BRINP1: variants seen among roughly 807,000 people sequenced by gnomAD.
The protein encoded by BRINP1 is BMP/retinoic acid inducible neural specific 1.
In BRINP1, 17 loss-of-function variants were observed where a neutral mutation model predicts 72.9. That is an observed-to-expected ratio of 0.23 (90% CI 0.16 to 0.35). The LOEUF (loss-of-function observed/expected upper bound fraction) is 0.35. Ranked by LOEUF, BRINP1 falls within the 10% of genes least tolerant of loss-of-function variation. The pLI, the probability that BRINP1 is intolerant of heterozygous loss-of-function variation, is 1.00. For synonymous variants in BRINP1, 418 were observed against 378.5 expected, an observed-to-expected ratio of 1.10 and a Z score of -1.21; for missense variants, 850 against 1,001.6, an observed-to-expected ratio of 0.85 and a Z score of 2.04.
Position 119,313,172 on chromosome 9 carries a change from G to A in BRINP1, c.184C>T (p.Arg62Cys), listed in dbSNP as rs781329685. 14 of 1,613,922 alleles carry A rather than the reference G, an allele frequency of 8.7e-6. No individual in the cohort carries two copies. The highest frequency in any genetic ancestry group is 8.3e-5 in the Admixed American group (5 of 59,984). The part of the protein sequence containing the change: ...RSYLSFVERH[R>C]QGFTTRYKIY... ...TTATATCTGGTTGTAAATCCTTGAC[G>A]GTGTCTTTCCACAAAGGATAGGTAG... Residue 62 changes from arginine to cysteine, a missense_variant, in exon 2 of 8, where the codon CGT (arginine) becomes TGT (cysteine). Transcript: ENST00000265922.
chr9:119,211,075 T>A (rs567253917), intron 6 of BRINP1, among the ~76,000 whole-genome samples: 1 of 152,300 alleles, frequency 6.6e-6, no homozygotes, highest in Non-Finnish European at 1.5e-5. Flanking sequence ...TGCAGAGGGC[T>A]CCGTGGATGT....
intron 7 of BRINP1, among the ~76,000 whole-genome samples, chr9:119,173,242 C>T (rs535222384): frequency 3.7e-4 from 56 of 151,400 alleles, no homozygotes; most frequent in African/African-American, 1.2e-3. Context: ...CCCATTGTTT[C>T]AGCCCAAAAT....
chr9:119,238,796 G>T, intron 4 of BRINP1, 36 bp from the exon 5 acceptor site: 1 of 1,396,436 alleles, frequency 7.2e-7, no homozygotes, highest in Non-Finnish European at 1.0e-6. Context: ...GTGTGAGACA[G>T]CAGTCCTTGT....
chr9:119,282,313 G>A (rs1830720312), intron 2 of BRINP1, among the ~76,000 whole-genome samples: 1 of 152,192 alleles, frequency 6.6e-6, no homozygotes, highest in Admixed American at 6.5e-5. Flanking sequence ...AAAGAGCTGG[G>A]ATACTTGGGT....
chr9:119,304,708 G>A (rs577446868), intron 2 of BRINP1, among the ~76,000 whole-genome samples: 4 of 152,348 alleles, frequency 2.6e-5, no homozygotes, highest in Non-Finnish European at 4.4e-5. Flanking sequence ...GATGCTGCAC[G>A]GGAAAAGGCT....
chr9:119,276,819 C>T (rs1373977070), intron 2 of BRINP1, among the ~76,000 whole-genome samples: 1 of 152,156 alleles, frequency 6.6e-6, no homozygotes, highest in Non-Finnish European at 1.5e-5. Flanking sequence ...TCCCTTTCTA[C>T]TCCCCTTTAC....
At chr9:119,342,800 A>C (rs1831417589) in intron 1 of BRINP1, among the ~76,000 whole-genome samples, 1 of 152,194 alleles carries the variant, frequency 6.6e-6, no homozygotes, top group African/African-American at 2.4e-5. Context: ...AACTGTCCTT[A>C]CACTTGTGCT....
intron 1 of BRINP1, among the ~76,000 whole-genome samples, chr9:119,350,615 C>T (rs1006873042): frequency 2.6e-5 from 4 of 151,814 alleles, no homozygotes; most frequent in African/African-American, 9.7e-5. Flanking sequence ...AAGAAATACA[C>T]ATTAAAAAAA....
rs182700414 is a variant in BRINP1 at position 119,209,492 on chromosome 9, C to T, written c.923-551G>A. 5.9e-3 allele frequency among the ~76,000 whole-genome samples: 895 copies of T among 151,830 alleles called. 6 individuals carry two copies. The highest frequency in any genetic ancestry group is 0.019 in the African/African-American group (776 of 41,356). On this transcript the variant is annotated intron_variant, in intron 6 of 7. Coordinates refer to ENST00000265922, the MANE Select transcript of BRINP1 (RefSeq NM_014618.3). Reference sequence around the variant, plus strand: ...CTGAGGCAGGAGAATCGCTTGAACCCGGGAGGCAGAGGTCAAGTGAGCTGA... The same window carrying T: ...CTGAGGCAGGAGAATCGCTTGAACCTGGGAGGCAGAGGTCAAGTGAGCTGA...
chr9:119,313,879 A>G (rs1409214468), intron 1 of BRINP1, among the ~76,000 whole-genome samples: 1 of 152,130 alleles, frequency 6.6e-6, no homozygotes, highest in Non-Finnish European at 1.5e-5. Context: ...TTCACTAACA[A>G]CCTGCCTCTC....
intron 7 of BRINP1, among the ~76,000 whole-genome samples, chr9:119,196,932 A>T (rs2118856793): frequency 6.6e-6 from 1 of 152,374 alleles, no homozygotes; most frequent in South Asian, 2.1e-4. Flanking sequence ...AGTACAAAGC[A>T]TAATCATCCC....
intron 5 of BRINP1, among the ~76,000 whole-genome samples, chr9:119,227,067 A>G (rs767869066): frequency 1.1e-4 from 16 of 152,060 alleles, no homozygotes; most frequent in Non-Finnish European, 1.8e-4. Flanking sequence ...TATACCTGGC[A>G]CATGATAATT....
intron 1 of BRINP1, among the ~76,000 whole-genome samples, chr9:119,316,148 G>T (rs957462735): frequency 3.3e-5 from 5 of 152,144 alleles, no homozygotes; most frequent in Non-Finnish European, 5.9e-5. Flanking sequence ...GTGCGGTGGT[G>T]CAATCTTGAC....
chr9:119,280,053 T>C (rs1360628895), intron 2 of BRINP1, among the ~76,000 whole-genome samples: 1 of 152,064 alleles, frequency 6.6e-6, no homozygotes, highest in Non-Finnish European at 1.5e-5. Context: ...TAAAATAAAA[T>C]GTCCAGCATA....
At chr9:119,236,321 T>C (rs1830191217) in intron 5 of BRINP1, among the ~76,000 whole-genome samples, 3 of 152,248 alleles carry the variant, frequency 2.0e-5, no homozygotes, top group Admixed American at 1.3e-4. Context: ...CTAATAATGT[T>C]ATCATGGCAG....
chr9:119,314,124 A>G (rs1831100775), intron 1 of BRINP1, among the ~76,000 whole-genome samples: 1 of 152,196 alleles, frequency 6.6e-6, no homozygotes, highest in African/African-American at 2.4e-5. Flanking sequence ...TGGCCAGAGA[A>G]TTTGTCTTTT....
intron 2 of BRINP1, among the ~76,000 whole-genome samples, chr9:119,310,847 A>G (rs1831055508): frequency 6.6e-6 from 1 of 152,194 alleles, no homozygotes; most frequent in South Asian, 2.1e-4. Flanking sequence ...AGTGGCATAC[A>G]GGAAGGAAAA....
intron 1 of BRINP1, among the ~76,000 whole-genome samples, chr9:119,343,565 A>G (rs534978886): frequency 5.9e-4 from 90 of 152,130 alleles, no homozygotes; most frequent in Non-Finnish European, 1.2e-3. Context: ...GAGTTCTTGT[A>G]TCTAGAAGCC....
At chr9:119,232,101 T>C (rs1830153607) in intron 5 of BRINP1, among the ~76,000 whole-genome samples, 1 of 152,184 alleles carries the variant, frequency 6.6e-6, no homozygotes, top group Non-Finnish European at 1.5e-5. Context: ...AGTCTCATCA[T>C]AGCAATGTGA....
Sources: gnomAD v4.1 joint callset for allele counts (sites outside exome capture counted in the v4.1 genomes callset) on GRCh38, gnomAD v4.1.1 for gene constraint, MANE v1.5 for transcripts, NCBI Gene and HGNC (gene_info 2026-07-23, HGNC 2026-07-21) for gene names.